INTS4: variants seen among roughly 807,000 people sequenced by gnomAD.
INTS4 encodes integrator complex subunit 4.
Under a neutral mutation model 119.5 loss-of-function variants are expected in INTS4, and 70 were observed. That is an observed-to-expected ratio of 0.59 (90% CI 0.48 to 0.71). INTS4 has a LOEUF of 0.71. Among genes scored for constraint, INTS4 ranks in the 30% least tolerant of loss-of-function variants. The pLI is 0.00. For synonymous variants in INTS4, 316 were observed against 419.6 expected (o/e 0.75, Z 3.02); for missense variants, 867 against 1,173.2 (o/e 0.74, Z 3.81).
intron 19 of INTS4, among the ~76,000 whole-genome samples, chr11:77,893,581 A>G (rs1199557478): frequency 1.3e-5 from 2 of 152,184 alleles, no homozygotes; most frequent in Non-Finnish European, 2.9e-5. Flanking sequence ...TGACAGAGTG[A>G]GACCCTGTCT....
intron 10 of INTS4, among the ~76,000 whole-genome samples, chr11:77,928,845 C>G (rs1360540319): frequency 2.0e-5 from 3 of 151,878 alleles, no homozygotes; most frequent in Non-Finnish European, 2.9e-5. Context: ...GAGACCCTAT[C>G]TCAAAACAAA....
At chr11:77,911,986 C>T (rs1304713958) in intron 15 of INTS4, among the ~76,000 whole-genome samples, 1 of 152,150 alleles carries the variant, frequency 6.6e-6, no homozygotes, top group Non-Finnish European at 1.5e-5. Flanking sequence ...TATCATATTG[C>T]ATCTCATTTA....
intron 15 of INTS4, among the ~76,000 whole-genome samples, chr11:77,908,232 A>AT (rs921457271): frequency 4.0e-5 from 6 of 151,630 alleles, no homozygotes; most frequent in African/African-American, 9.7e-5. Flanking sequence ...AATCAAGTAA[A>AT]TTTTTTTTTA....
chr11:77,898,609 TAA>T (rs933954806), intron 18 of INTS4, among the ~76,000 whole-genome samples: 29 of 152,238 alleles, frequency 1.9e-4, no homozygotes, highest in African/African-American at 5.8e-4. Flanking sequence ...CTGATAAATA[TAA>T]GTTCAATATG....
At chr11:77,887,852 A>G (rs1952084898) in intron 21 of INTS4, among the ~76,000 whole-genome samples, 1 of 152,216 alleles carries the variant, frequency 6.6e-6, no homozygotes. Flanking sequence ...AATACCTAGG[A>G]ATCCAACTTA....
intron 4 of INTS4, among the ~76,000 whole-genome samples, chr11:77,969,861 T>G (rs1437310366): frequency 6.6e-6 from 1 of 152,140 alleles, no homozygotes; most frequent in Non-Finnish European, 1.5e-5. Flanking sequence ...ACTTTCTGTC[T>G]CTATAGACTT....
At chr11:77,935,910 G>GAAAAGAAAGAGAGAA (rs1338613292) in intron 10 of INTS4, among the ~76,000 whole-genome samples, 2 of 137,394 alleles carry the variant, frequency 1.5e-5, no homozygotes, top group Admixed American at 7.4e-5. Context: ...AAAAAAAAAA[G>GAAAAGAAAGAGAGAA]AAAAGAAGAG....
chr11:77,913,106 A>G (rs1166676499), intron 15 of INTS4, among the ~76,000 whole-genome samples: 3 of 152,188 alleles, frequency 2.0e-5, no homozygotes, highest in Admixed American at 6.5e-5. Context: ...TGGACTTAAC[A>G]CAAAAATGTA....
At chr11:77,921,228 T>G in intron 14 of INTS4, 112 bp downstream of exon 14, 1 of 1,091,550 alleles carries the variant, frequency 9.2e-7, no homozygotes, top group Non-Finnish European at 1.3e-6. Context: ...CCCAGGAGTT[T>G]GAGACCGCCC....
At chr11:77,967,161 C>T (rs377601037) in intron 4 of INTS4, among the ~76,000 whole-genome samples, 1 of 152,064 alleles carries the variant, frequency 6.6e-6, no homozygotes, top group Admixed American at 6.6e-5. Flanking sequence ...AAATGAGTTT[C>T]CTTAAGGAAC....
At chr11:77,940,931 G>A (rs1167460290) in intron 9 of INTS4, among the ~76,000 whole-genome samples, 1 of 152,114 alleles carries the variant, frequency 6.6e-6, no homozygotes, top group Non-Finnish European at 1.5e-5. Flanking sequence ...CACTGCACCT[G>A]GCTTAGAAAA....
In INTS4 at chr11:77,924,734, GC is replaced by G. The variant is rs1953452969; in HGVS notation, c.1514+15del. 1 of 1,599,542 alleles carries G rather than the reference GC, an allele frequency of 6.3e-7. No individual in the cohort carries two copies. Among genetic ancestry groups the G allele is most frequent in the Admixed American group, 1.7e-5 (1 of 59,782 alleles). On this transcript the variant is annotated intron_variant, in intron 12 of 22. Coordinates refer to ENST00000534064, the MANE Select transcript of INTS4 (RefSeq NM_033547.4). ...ATTATGGGACTCAGTGAGTAAATGG[GC>G]AAAAAAGTCATTACTTCCATATGGA...
chr11:77,914,619 GT>G lies in INTS4; in HGVS notation c.1922+4201del, dbSNP rs1953165008. On this transcript the variant is annotated intron_variant, in intron 15 of 22. Transcript: ENST00000534064. ...CTGTAAAAGGTCAAATAGTAAATATGTTAGCTTTTACAGGCCGTATGGTCTC... is the reference window on the plus strand; with the variant it reads ...CTGTAAAAGGTCAAATAGTAAATATGTAGCTTTTACAGGCCGTATGGTCTC... Among the ~76,000 whole-genome samples, 6 of 152,272 alleles carry G rather than the reference GT, an allele frequency of 3.9e-5. No individual in the cohort carries two copies. The South Asian group carries it at 1.2e-3, about 32-fold the overall frequency.
At chr11:77,907,912 G>C in intron 15 of INTS4, 102 bp from the exon 16 acceptor site, 1 of 711,132 alleles carries the variant, frequency 1.4e-6, no homozygotes, top group Non-Finnish European at 2.3e-6. Context: ...CTAGTAAACA[G>C]TCATACATTT....
In INTS4 at chr11:77,955,976, G is replaced by A; in HGVS notation, c.884C>T (p.Ser295Phe). Residue 295 changes from serine (S) to phenylalanine (F), a missense_variant, in exon 8 of 23, where the codon TCT (serine) becomes TTT (phenylalanine). Coordinates refer to ENST00000534064, the MANE Select transcript of INTS4 (RefSeq NM_033547.4). ...TGCTGCCTGAACACGAACCACCCAA[G>A]AGCCATCACTGACCATGTGACAAAT... ...GKICHMVSDG[S>F]WVVRVQAAKL... The A allele has an allele frequency of 6.2e-7, 1 of 1,611,654 alleles. No individual in the cohort carries two copies. The highest frequency in any genetic ancestry group is 8.5e-7 in the Non-Finnish European group (1 of 1,179,694).
chr11:77,972,327 G>A (rs556404751), intron 4 of INTS4, among the ~76,000 whole-genome samples: 2 of 152,038 alleles, frequency 1.3e-5, no homozygotes, highest in South Asian at 2.1e-4. Context: ...TCAAACTCCC[G>A]GGCTCAAGTG....
intron 4 of INTS4, among the ~76,000 whole-genome samples, chr11:77,968,539 T>C (rs934796708): frequency 9.9e-5 from 15 of 152,154 alleles, no homozygotes; most frequent in South Asian, 4.1e-4. Context: ...GTTTCACTTC[T>C]GCAAAACAAA....
intron 10 of INTS4, among the ~76,000 whole-genome samples, chr11:77,930,647 A>G (rs562107878): frequency 6.6e-6 from 1 of 152,322 alleles, no homozygotes; most frequent in South Asian, 2.1e-4. Flanking sequence ...CGGCCAGACT[A>G]TAAGCAAGAA....
At chr11:77,954,511 G>C (rs1954271850) in intron 8 of INTS4, among the ~76,000 whole-genome samples, 1 of 152,026 alleles carries the variant, frequency 6.6e-6, no homozygotes. Flanking sequence ...TATATGTAAG[G>C]GGCCTCCTTC....
Sources: allele counts gnomAD v4.1 joint callset (sites outside exome capture counted in the v4.1 genomes callset), GRCh38; gene constraint gnomAD v4.1.1; transcripts MANE v1.5; gene names NCBI Gene and HGNC (gene_info 2026-07-23, HGNC 2026-07-21).